The following PCDHGA7 variants were observed in gnomAD, a reference collection of about 807,000 sequenced individuals.
PCDHGA7 encodes the protein protocadherin gamma-A7.
In PCDHGA7, 44 loss-of-function variants were observed where a neutral mutation model predicts 58.3. The observed-to-expected ratio is 0.75, with a 90% CI of 0.59 to 0.97. PCDHGA7 has a LOEUF of 0.97. Among genes scored for constraint, PCDHGA7 ranks in the 50% least tolerant of loss-of-function variants. The pLI is 0.00. For synonymous variants in PCDHGA7, 516 were observed against 504.2 expected, an observed-to-expected ratio of 1.02 and a Z score of -0.31; for missense variants, 1,266 against 1,188.7, an observed-to-expected ratio of 1.06 and a Z score of -0.96.
intron 1 of PCDHGA7, chr5:141,440,535 G>A (rs1305958587): frequency 1.3e-5 from 2 of 152,154 alleles, no homozygotes; most frequent in East Asian, 1.9e-4. Flanking sequence ...CATGCACCAC[G>A]GTTCAGCAGG....
In PCDHGA7 at chr5:141,512,859, CAT is replaced by C. The variant is rs1474518602; in HGVS notation, c.*1688_*1689del. 6.6e-6 allele frequency: 1 copy of C among 152,296 alleles called. No homozygotes were observed. The highest frequency in any genetic ancestry group is 1.9e-4 in the East Asian group (1 of 5,200). The allele number at this position is 152,296 out of a possible 1,614,324, so 9.4% of individuals were successfully genotyped here. A position where few individuals can be genotyped will look rare whatever the true frequency, so the allele number is the denominator to read the frequency against. On this transcript the variant is annotated 3_prime_UTR_variant, in exon 4 of 4. Transcript: ENST00000518325. ...CTTCTCCTATAAGCGCTTCTCTTCG[CAT>C]AGTCACGTAGCTCCCACCCCACCCT... is the stretch of plus-strand genomic sequence containing the variant.
At position 141,487,276 on chromosome 5, in the gene PCDHGA7, C is replaced by G; in HGVS notation, c.2425-7531C>G. On this transcript the variant is annotated intron_variant, in intron 1 of 3. Coordinates refer to ENST00000518325, the MANE Select transcript of PCDHGA7 (RefSeq NM_018920.4). The surrounding 1 kb of genome is among the most constrained non-coding windows in gnomAD (Gnocchi z 5.0). ...TGGCTGTGTCCCTAGTGGCAATTTG[C>G]TTTGTCTCCTTTGGCTCATTCGTGG... 1 of 1,614,158 alleles carries G rather than the reference C, an allele frequency of 6.2e-7. No homozygotes were observed. The highest frequency in any genetic ancestry group is 1.1e-5 in the South Asian group (1 of 91,082).
intron 1 of PCDHGA7, chr5:141,439,815 T>C (rs1027862858): frequency 5.3e-5 from 8 of 152,314 alleles, no homozygotes; most frequent in African/African-American, 1.9e-4. Flanking sequence ...AAGGGGCTTA[T>C]TTGGGCTGGA....
chr5:141,404,085 A>G, intron 1 of PCDHGA7: 1 of 1,613,618 alleles, frequency 6.2e-7, no homozygotes, highest in South Asian at 1.1e-5. Context: ...GACTCCGGGA[A>G]GAATGGTCAA....
intron 1 of PCDHGA7, chr5:141,427,942 T>C (rs1561832592): frequency 6.3e-7 from 1 of 1,586,106 alleles, no homozygotes; most frequent in Non-Finnish European, 8.6e-7. Context: ...GTGGGCGACC[T>C]CAATGACAAT....
At chr5:141,399,641 C>G in intron 1 of PCDHGA7, 1 of 1,613,852 alleles carries the variant, frequency 6.2e-7, no homozygotes, top group Non-Finnish European at 8.5e-7. Context: ...TCCATGAGCG[C>G]GCAAAGTGGG....
intron 1 of PCDHGA7, chr5:141,394,142 A>G (rs751602442): frequency 6.2e-7 from 1 of 1,613,996 alleles, no homozygotes; most frequent in Non-Finnish European, 8.5e-7. Flanking sequence ...TGCACGTGGC[A>G]GACATTAACG....
Position 141,384,995 on chromosome 5 carries a change from C to T in PCDHGA7, c.2096C>T (p.Thr699Ile), listed in dbSNP as rs1485778293. The part of the protein sequence containing the change: ...LTLYLVVAVA[T>I]VSCVFLAFVL... ...TTGTACCTGGTGGTGGCGGTGGCCACAGTCTCCTGCGTCTTCCTAGCCTTC... is the reference window on the plus strand; with the variant it reads ...TTGTACCTGGTGGTGGCGGTGGCCATAGTCTCCTGCGTCTTCCTAGCCTTC... Residue 699 changes from threonine (T) to isoleucine (I), a missense_variant, in exon 1 of 4, where the codon ACA (threonine) becomes ATA (isoleucine). Physicochemically the swap from Thr to Ile is moderately conservative, Grantham distance 89 (BLOSUM62 -1). Transcript: ENST00000518325. 1.2e-6 allele frequency: 2 copies of T among 1,614,034 alleles called. No individual in the cohort carries two copies. Among genetic ancestry groups the T allele is most frequent in the African/African-American group, 1.3e-5 (1 of 74,958 alleles).
chr5:141,418,767 C>T (rs770275597), intron 1 of PCDHGA7: 1 of 1,613,850 alleles, frequency 6.2e-7, no homozygotes, highest in Non-Finnish European at 8.5e-7. Flanking sequence ...AACATTCTAA[C>T]TCAGCAGCCT....
In PCDHGA7 at chr5:141,486,757, C is replaced by A; in HGVS notation, c.2425-8050C>A. 5 of 1,614,228 alleles carry A rather than the reference C, an allele frequency of 3.1e-6. No homozygotes were observed. Among genetic ancestry groups the A allele is most frequent in the Non-Finnish European group, 4.2e-6 (5 of 1,180,036 alleles). ...CTCGATCCTTTGACTATGAGCAAAC[C>A]CAGACACTGCAGTTTGAGGTGCAGG... On this transcript the variant is annotated intron_variant, in intron 1 of 3. Coordinates refer to ENST00000518325, the MANE Select transcript of PCDHGA7 (RefSeq NM_018920.4). This position sits in a 1 kb window ranked among gnomAD's most constrained non-coding sequence, Gnocchi z 5.0.
chr5:141,495,529 C>T (rs1466269939), intron 2 of PCDHGA7, among the ~76,000 whole-genome samples: 1 of 152,210 alleles, frequency 6.6e-6, no homozygotes, highest in African/African-American at 2.4e-5. Flanking sequence ...ACCTCTCAGT[C>T]CTTCCCTCAG....
intron 1 of PCDHGA7, chr5:141,398,947 A>G: frequency 1.2e-6 from 2 of 1,613,968 alleles, no homozygotes; most frequent in Admixed American, 1.7e-5. Context: ...CGAGGGCATC[A>G]ACTCAGAAAT....
intron 1 of PCDHGA7, chr5:141,417,686 G>A (rs1300052006): frequency 8.4e-6 from 9 of 1,068,196 alleles, no homozygotes; most frequent in South Asian, 1.8e-5. Context: ...CAACAGAAAA[G>A]AAAACCAGCT....
intron 1 of PCDHGA7, among the ~76,000 whole-genome samples, chr5:141,462,117 C>G (rs965365318): frequency 6.6e-6 from 1 of 152,170 alleles, no homozygotes; most frequent in African/African-American, 2.4e-5. Flanking sequence ...GCCACTGCAC[C>G]CAGTCCAATT....
intron 1 of PCDHGA7, among the ~76,000 whole-genome samples, chr5:141,450,061 C>A (rs1219642208): frequency 7.2e-6 from 1 of 139,334 alleles, no homozygotes; most frequent in Non-Finnish European, 1.5e-5. Context: ...GGCTGGAATG[C>A]AGTGGTATGA....
chr5:141,418,264 A>C, intron 1 of PCDHGA7: 1 of 1,614,082 alleles, frequency 6.2e-7, no homozygotes, highest in Non-Finnish European at 8.5e-7. Flanking sequence ...AATTCCGGAA[A>C]GATGAAATAA....
intron 2 of PCDHGA7, among the ~76,000 whole-genome samples, chr5:141,501,057 C>T (rs185929124): frequency 9.7e-4 from 147 of 151,960 alleles, no homozygotes; most frequent in African/African-American, 3.4e-3. Context: ...TTAGTAGAGA[C>T]GGGGTTTCAC....
chr5:141,511,293 G>A lies in PCDHGA7; in HGVS notation c.*120G>A, dbSNP rs1028501355. On this transcript the variant is annotated 3_prime_UTR_variant, in exon 4 of 4. Coordinates refer to ENST00000518325, the MANE Select transcript of PCDHGA7 (RefSeq NM_018920.4). ...CCCCAGAATACTGGTAGGGGCCAAG[G>A]CCATGCTCCCCTTGGGAAACAGAAA... The A allele has an allele frequency of 3.3e-6, 5 of 1,509,316 alleles. No individual in the cohort carries two copies. In the African/African-American group the frequency reaches 5.6e-5, roughly 17 times the overall value. The allele number at this position is 1,509,316 out of a possible 1,614,324, so 93.5% of individuals were successfully genotyped here.
At chr5:141,403,591 G>C in intron 1 of PCDHGA7, 2 of 1,613,836 alleles carry the variant, frequency 1.2e-6, no homozygotes, top group South Asian at 1.1e-5. Flanking sequence ...TGGTCCTCAC[G>C]GCCTCGGATG....
Sources: gnomAD v4.1 joint callset for allele counts (sites outside exome capture counted in the v4.1 genomes callset) on GRCh38, gnomAD v4.1.1 for gene constraint, Gnocchi (gnomAD v3.1) non-coding constraint, MANE v1.5 for transcripts, NCBI Gene and HGNC (gene_info 2026-07-23, HGNC 2026-07-21) for gene names.